The following STRN4 variants were observed in gnomAD, a reference collection of about 807,000 sequenced individuals.
STRN4 encodes striatin 4, also known as striatin-4.
A neutral mutation model predicts 77.9 loss-of-function variants in STRN4; 27 were observed. The observed-to-expected ratio is 0.35, with a 90% CI of 0.26 to 0.48. The LOEUF is 0.48. Among genes scored for constraint, STRN4 ranks in the 20% least tolerant of loss-of-function variants. The probability of loss-of-function intolerance (pLI) is 0.99; values close to 1 mark genes in which losing one functional copy is unlikely to be tolerated. For synonymous variants in STRN4, 466 were observed against 443.1 expected (o/e 1.05, Z -0.65); for missense variants, 798 against 1,049.7 (o/e 0.76, Z 3.31).
Position 46,728,517 on chromosome 19 carries a change from TAG to T in STRN4, c.1039+99_1039+100del, listed in dbSNP as rs2122274625. The T allele has an allele frequency of 4.9e-6, 7 of 1,431,314 alleles. No individual in the cohort carries two copies. The East Asian group carries it at 1.2e-4, about 25-fold the overall frequency. 88.7% of individuals were successfully genotyped at this position (1,431,314 alleles called of 1,614,324 possible). A position where few individuals can be genotyped will look rare whatever the true frequency, so the allele number is the denominator to read the frequency against. On this transcript the variant is annotated intron_variant, in intron 7 of 17. Coordinates refer to ENST00000263280, the MANE Select transcript of STRN4 (RefSeq NM_013403.3). ...CCTCTCAGGAAACATATCCGTCCGG[TAG>T]AGAGACCCTGTACAGGAAGCAGCTG...
rs1435869144 is a variant in STRN4 at position 46,723,763 on chromosome 19, T to A, written c.1595-479A>T. On this transcript the variant is annotated intron_variant, in intron 12 of 17. Coordinates refer to ENST00000263280, the MANE Select transcript of STRN4 (RefSeq NM_013403.3). The surrounding 1 kb of genome is among the most constrained non-coding windows in gnomAD (Gnocchi z 5.5). ...GTCATTCAGAGGTCCAATCACTGCT[T>A]CCCTGGTTGCTGGAGTCCACACCAG... Among the ~76,000 whole-genome samples the A allele has an allele frequency of 6.6e-6, 1 of 152,110 alleles. No individual in the cohort carries two copies. The highest frequency in any genetic ancestry group is 2.4e-5 in the African/African-American group (1 of 41,418).
At position 46,727,536 on chromosome 19, in the gene STRN4, G is replaced by A. The variant is rs777955776; in HGVS notation, c.1164C>T (p.Ile388=). 2 of 1,613,848 alleles carry A rather than the reference G, an allele frequency of 1.2e-6. No homozygotes were observed. The highest frequency in any genetic ancestry group is 4.5e-5 in the East Asian group (2 of 44,872). ...CCTCCCCGCCCCCGATAGTGTCCATGATGAAGACGTCTGAGGAGAAGCCAA... is the reference window on the plus strand; with the variant it reads ...CCTCCCCGCCCCCGATAGTGTCCATAATGAAGACGTCTGAGGAGAAGCCAA... The part of the protein sequence containing the change: ...PQPRPHEDVF[I]MDTIGGGEVS... Residue 388 remains isoleucine, a synonymous_variant, in exon 9 of 18, where the codon ATC becomes ATT. Coordinates refer to ENST00000263280, the MANE Select transcript of STRN4 (RefSeq NM_013403.3).
chr19:46,721,845 G>A (rs966519255), intron 16 of STRN4, 141 bp downstream of exon 16: 3 of 822,854 alleles, frequency 3.6e-6, no homozygotes, highest in Admixed American at 4.3e-5. Context: ...TGCCCCCTAT[G>A]GTCACCACGG....
At chr19:46,735,527 C>T (rs2054341741) in intron 4 of STRN4, among the ~76,000 whole-genome samples, 1 of 151,794 alleles carries the variant, frequency 6.6e-6, no homozygotes, top group Non-Finnish European at 1.5e-5. Flanking sequence ...TACACAGCCA[C>T]GGAAGAAACT....
chr19:46,725,045 TG>T, intron 11 of STRN4, 117 bp from the exon 12 acceptor site: 1 of 1,470,476 alleles, frequency 6.8e-7, no homozygotes, highest in Non-Finnish European at 9.2e-7. Context: ...ATTCAGTGAC[TG>T]GGGCTCTGGC....
chr19:46,745,986 G>A lies in STRN4; in HGVS notation c.282+163C>T, dbSNP rs2054585654. 57 of 869,846 alleles carry A rather than the reference G, an allele frequency of 6.6e-5. 1 individual carries two copies. The South Asian group carries it at 1.5e-3, about 24-fold the overall frequency. 53.9% of individuals were successfully genotyped at this position (869,846 alleles called of 1,614,324 possible). On this transcript the variant is annotated intron_variant, in intron 1 of 17. Coordinates refer to ENST00000263280, the MANE Select transcript of STRN4 (RefSeq NM_013403.3). Reference sequence around the variant, plus strand: ...CCGGAGTGCCCTCAGGACACCCCTCGGACGGCCCCTCACTCGCCCTCCGGG... The same window carrying A: ...CCGGAGTGCCCTCAGGACACCCCTCAGACGGCCCCTCACTCGCCCTCCGGG...
At position 46,746,388 on chromosome 19, in the gene STRN4, A is replaced by C. The variant is rs1356299424; in HGVS notation, c.43T>G (p.Ser15Ala). ...RAAAAVAAAA[S>A]SCRPLGSGAG... ...CCTGAGCCGAGCGGACGGCAGGAGGAGGCGGCGGCGGCGACCGCGGCGGCC... is the reference window on the plus strand; with the variant it reads ...CCTGAGCCGAGCGGACGGCAGGAGGCGGCGGCGGCGGCGACCGCGGCGGCC... The change falls in exon 1 of 18, where the codon TCC (serine) becomes GCC (alanine). Residue 15 changes from serine to alanine, a missense_variant. Ser to Ala is a moderately conservative substitution (Grantham distance 99). Transcript: ENST00000263280. 5.6e-6 allele frequency: 6 copies of C among 1,064,662 alleles called. No individual in the cohort carries two copies. The African/African-American group carries it at 8.9e-5, about 16-fold the overall frequency. 66.0% of individuals were successfully genotyped at this position (1,064,662 alleles called of 1,614,324 possible).
At chr19:46,743,200 G>A (rs552341460) in intron 1 of STRN4, among the ~76,000 whole-genome samples, 5 of 152,218 alleles carry the variant, frequency 3.3e-5, no homozygotes, top group East Asian at 3.9e-4. Flanking sequence ...GGAAAGGGAC[G>A]AAGAGAAGGA....
intron 4 of STRN4, among the ~76,000 whole-genome samples, chr19:46,736,574 A>T (rs964436768): frequency 1.6e-5 from 2 of 125,292 alleles, no homozygotes; most frequent in Non-Finnish European, 3.3e-5. Flanking sequence ...AAAAAAAAAA[A>T]GCCACAGAGG....
At chr19:46,722,786 A>G in intron 14 of STRN4, 24 bp downstream of exon 14, 3 of 1,612,618 alleles carry the variant, frequency 1.9e-6, no homozygotes, top group Non-Finnish European at 2.5e-6. Flanking sequence ...GACCAATTCC[A>G]TGAGCTGATG....
At chr19:46,725,733 T>G (rs3848529) in intron 9 of STRN4, 85 bp from the exon 10 acceptor site, 2 of 1,511,298 alleles carry the variant, frequency 1.3e-6, no homozygotes, top group Admixed American at 1.9e-5. Flanking sequence ...TGAGGGCCCC[T>G]GTCTTCCACC....
At chr19:46,728,979 C>A in intron 6 of STRN4, 2 of 607,914 alleles carry the variant, frequency 3.3e-6, no homozygotes, top group Non-Finnish European at 5.6e-6. Flanking sequence ...CCTGACCCCA[C>A]CCTCACGCAG....
At chr19:46,732,893 A>G (rs2054283978) in intron 5 of STRN4, 146 bp downstream of exon 5, 4 of 937,850 alleles carry the variant, frequency 4.3e-6, no homozygotes, top group South Asian at 3.4e-5. Context: ...GAAGGGACTC[A>G]GGGTTTCAGA....
At position 46,736,804 on chromosome 19, in the gene STRN4, C is replaced by A. The variant is rs1421036149; in HGVS notation, c.539+19G>T. ...AAACGTGTCACGTGTCCCCAGCCCC[C>A]CTCCCCGAGCACACTCACTGTCGGA... is the stretch of plus-strand genomic sequence containing the variant. On this transcript the variant is annotated intron_variant, in intron 4 of 17. Coordinates refer to ENST00000263280, the MANE Select transcript of STRN4 (RefSeq NM_013403.3). 5 of 1,611,554 alleles carry A rather than the reference C, an allele frequency of 3.1e-6. No homozygotes were observed. The highest frequency in any genetic ancestry group is 3.3e-5 in the Admixed American group (2 of 59,798).
At chr19:46,729,937 T>G (rs1433253390) in intron 6 of STRN4, among the ~76,000 whole-genome samples, 1 of 152,106 alleles carries the variant, frequency 6.6e-6, no homozygotes, top group Non-Finnish European at 1.5e-5. Context: ...GGCAGTCCCC[T>G]GGGTTCCCAG....
intron 1 of STRN4, 50 bp downstream of exon 1, chr19:46,746,099 G>T: frequency 7.2e-7 from 1 of 1,395,490 alleles, no homozygotes; most frequent in South Asian, 1.4e-5. Flanking sequence ...GGGTGAGGCC[G>T]GGCCGGGCCG....
chr19:46,736,657 G>A (rs1279420293), intron 4 of STRN4, among the ~76,000 whole-genome samples, 166 bp downstream of exon 4: 1 of 151,600 alleles, frequency 6.6e-6, no homozygotes. Context: ...CCTCTCCCCA[G>A]GCCAGGCTCC....
Position 46,738,618 on chromosome 19 carries a change from C to T in STRN4, c.386+167G>A, listed in dbSNP as rs2054416100. ...CGTTCCTGGTGTCTAACCCAAATCCCACCTACTCTGTCCTGTTTCTCCCCT... is the reference window on the plus strand; with the variant it reads ...CGTTCCTGGTGTCTAACCCAAATCCTACCTACTCTGTCCTGTTTCTCCCCT... On this transcript the variant is annotated intron_variant, in intron 2 of 17. Transcript: ENST00000263280. This position sits in a 1 kb window ranked among gnomAD's most constrained non-coding sequence, Gnocchi z 4.5. Among the ~76,000 whole-genome samples the T allele has an allele frequency of 6.6e-6, 1 of 152,178 alleles. No homozygotes were observed. Among genetic ancestry groups the T allele is most frequent in the African/African-American group, 2.4e-5 (1 of 41,430 alleles).
rs374264959 is a variant in STRN4, at chr19:46,723,244, G to C, written c.1635C>G (p.Asp545Glu). 1.3e-6 allele frequency: 2 copies of C among 1,550,946 alleles called. No homozygotes were observed. Among genetic ancestry groups the C allele is most frequent in the Non-Finnish European group, 1.7e-6 (2 of 1,148,216 alleles). Residue 545 changes from aspartate to glutamate, a missense_variant, in exon 13 of 18, where the codon GAC (aspartate) becomes GAG (glutamate). By Grantham distance (45) the Asp-to-Glu change is conservative. Transcript: ENST00000263280. This position sits in a 1 kb window ranked among gnomAD's most constrained non-coding sequence, Gnocchi z 5.5. ...GACTGAAGGCCAGGCCCCACACGGC[G>C]TCCCCGTGGCCCTCCAGGACGTGGC... is the stretch of plus-strand genomic sequence containing the variant. ...VLSHVLEGHGDAVWGLAFSPT... is the reference protein window; with the variant it reads ...VLSHVLEGHGEAVWGLAFSPT...
Sources: gnomAD v4.1 joint callset for allele counts (sites outside exome capture counted in the v4.1 genomes callset) on GRCh38, gnomAD v4.1.1 for gene constraint, Gnocchi (gnomAD v3.1) non-coding constraint, MANE v1.5 for transcripts, NCBI Gene and HGNC (gene_info 2026-07-23, HGNC 2026-07-21) for gene names.